NDUFS1: variants seen among roughly 807,000 people sequenced by gnomAD.
The protein encoded by NDUFS1 is NADH:ubiquinone oxidoreductase core subunit S1, also known as NADH-ubiquinone oxidoreductase 75 kDa subunit, mitochondrial.
Under a neutral mutation model 84.4 loss-of-function variants are expected in NDUFS1, and 61 were observed. That is an observed-to-expected ratio of 0.72 (90% CI 0.59 to 0.89). The LOEUF is 0.89. Among genes scored for constraint, NDUFS1 ranks in the 40% least tolerant of loss-of-function variants. The probability of loss-of-function intolerance (pLI) is 0.00; values close to 1 mark genes in which losing one functional copy is unlikely to be tolerated. For missense variants in NDUFS1, 891 were observed against 890.0 expected, an observed-to-expected ratio of 1.00 and a Z score of -0.01; for synonymous variants, 275 against 290.0, an observed-to-expected ratio of 0.95 and a Z score of 0.53.
At chr2:206,147,503 T>C (rs764312524) in intron 7 of NDUFS1, 28 bp downstream of exon 7, 25 of 1,593,960 alleles carry the variant, frequency 1.6e-5, no homozygotes, top group Middle Eastern at 1.7e-4. Context: ...TTATATTCTA[T>C]AATAGAAAAA....
chr2:206,144,956 C>T lies in NDUFS1; in HGVS notation c.808G>A (p.Val270Met). The T allele has an allele frequency of 2.5e-6, 4 of 1,614,102 alleles. No individual in the cohort carries two copies. The highest frequency in any genetic ancestry group is 3.4e-6 in the Non-Finnish European group (4 of 1,179,962). ...TGCATACGTGGCAAAATCCTCATCA[C>T]TTCTCCAGTTCTTGTGCTAACCACA... is the stretch of plus-strand genomic sequence containing the variant. ...NIVVSTRTGE[V>M]MRILPRMHED... Residue 270 changes from valine to methionine, a missense_variant, in exon 9 of 19, where the codon GTG (valine) becomes ATG (methionine). Val to Met is a conservative substitution (Grantham distance 21). Transcript: ENST00000233190.
Position 206,149,087 on chromosome 2 carries a change from C to A in NDUFS1, c.271G>T (p.Ala91Ser), listed in dbSNP as rs761897749. The A allele has an allele frequency of 1.9e-5, 30 of 1,611,268 alleles. No homozygotes were observed. The highest frequency in any genetic ancestry group is 2.4e-5 in the Non-Finnish European group (28 of 1,178,866). Residue 91 changes from alanine to serine, a missense_variant, in exon 5 of 19, where the codon GCT (alanine) becomes TCT (serine). Physicochemically the swap from Ala to Ser is moderately conservative, Grantham distance 99 (BLOSUM62 1). Coordinates refer to ENST00000233190, the MANE Select transcript of NDUFS1 (RefSeq NM_005006.7). ...CCCTTCATTACTGGCATGGCACAAG[C>A]AGCTACAACCTGGGATTTCAATGAA... ...EIEKAPKVVA[A>S]CAMPVMKGWN...
At chr2:206,124,917 G>A (rs1187664592) in intron 18 of NDUFS1, among the ~76,000 whole-genome samples, 1 of 152,050 alleles carries the variant, frequency 6.6e-6, no homozygotes, top group Non-Finnish European at 1.5e-5. Flanking sequence ...AACAGCATAT[G>A]TACTAAAATA....
chr2:206,147,202 T>G, intron 7 of NDUFS1, 114 bp from the exon 8 acceptor site: 1 of 1,085,924 alleles, frequency 9.2e-7, no homozygotes, highest in Non-Finnish European at 1.4e-6. Context: ...GAGTATATTT[T>G]TAAAGGTGAG....
In NDUFS1 at chr2:206,146,883, TGTCATAAAATAAAAG is replaced by T; in HGVS notation, c.737+5_737+19del. 6.2e-7 allele frequency: 1 copy of T among 1,608,314 alleles called. No individual in the cohort carries two copies. Among genetic ancestry groups the T allele is most frequent in the Non-Finnish European group, 8.5e-7 (1 of 1,175,172 alleles). ...ATGAATTAAGGACAAAAAAACAAAT[TGTCATAAAATAAAAG>T]ATACCTTGTTTCCCAAGGCCGGGCA... On this transcript the variant is annotated splice_donor_5th_base_variant and intron_variant, in intron 8 of 18. Transcript: ENST00000233190.
In NDUFS1 at chr2:206,126,791, C is replaced by G. The variant is rs750157771; in HGVS notation, c.1938G>C (p.Leu646Phe). 1.2e-6 allele frequency: 2 copies of G among 1,614,098 alleles called. No individual in the cohort carries two copies. Among genetic ancestry groups the G allele is most frequent in the Admixed American group, 3.3e-5 (2 of 60,014 alleles). ...GAACAAGATTAGGAGAGACTTCTTC[C>G]AATCTGTTCCTTACTTGATCCAGAG... ...YDTLDQVRNR[L>F]EEVSPNLVRY... The change falls in exon 17 of 19, where the codon TTG (leucine) becomes TTC (phenylalanine). Residue 646 changes from leucine (L) to phenylalanine (F), a missense_variant. Coordinates refer to ENST00000233190, the MANE Select transcript of NDUFS1 (RefSeq NM_005006.7).
intron 13 of NDUFS1, among the ~76,000 whole-genome samples, chr2:206,137,781 CAAAAAT>C (rs1482034727): frequency 6.6e-6 from 1 of 151,938 alleles, no homozygotes; most frequent in African/African-American, 2.4e-5. Context: ...ACCTCAGAAA[CAAAAAT>C]AGAAGGACTG....
intron 5 of NDUFS1, 31 bp downstream of exon 5, chr2:206,148,989 A>G: frequency 6.7e-7 from 1 of 1,494,436 alleles, no homozygotes. Context: ...TGCTTTATGA[A>G]AGGGTACTAC....
intron 1 of NDUFS1, among the ~76,000 whole-genome samples, chr2:206,156,848 T>C (rs1272808642): frequency 6.6e-6 from 1 of 152,204 alleles, no homozygotes; most frequent in Admixed American, 6.5e-5. Flanking sequence ...GTTCTTTACT[T>C]ATAGAGCAGG....
chr2:206,149,233 T>C (rs563261423), intron 4 of NDUFS1, 137 bp from the exon 5 acceptor site: 6 of 697,654 alleles, frequency 8.6e-6, no homozygotes, highest in Non-Finnish European at 1.4e-5. Flanking sequence ...GGGTATTTTT[T>C]AAAACTGAAT....
intron 10 of NDUFS1, 31 bp downstream of exon 10, chr2:206,143,987 A>G (rs775836946): frequency 6.6e-7 from 1 of 1,511,170 alleles, no homozygotes; most frequent in East Asian, 2.3e-5. Flanking sequence ...AATCACAAAC[A>G]CTATTTAACA....
chr2:206,159,279 C>G, intron 1 of NDUFS1, 62 bp downstream of exon 1: 1 of 774,160 alleles, frequency 1.3e-6, no homozygotes, highest in Non-Finnish European at 2.2e-6. Flanking sequence ...AGGAAACAGT[C>G]CCGTCAATAA....
chr2:206,150,742 G>A (rs994340445), intron 3 of NDUFS1, among the ~76,000 whole-genome samples: 6 of 152,100 alleles, frequency 3.9e-5, no homozygotes, highest in African/African-American at 1.4e-4. Context: ...AGATTTACAG[G>A]TATTTGCATG....
chr2:206,128,905 A>T (rs1333720369), intron 15 of NDUFS1, among the ~76,000 whole-genome samples: 1 of 152,206 alleles, frequency 6.6e-6, no homozygotes, highest in African/African-American at 2.4e-5. Flanking sequence ...ATGCTTACAA[A>T]GTAGAACTGC....
rs1490925037 is a variant in NDUFS1, at chr2:206,144,076, T to C, written c.929A>G (p.Glu310Gly). ...QRLTEPMVRN[E>G]KGLLTYTSWE... Reference sequence around the variant, plus strand: ...AGAAGTATAGGTTAAAAGCCCTTTTTCATTTCTGACCATTGGCTCGGTAAG... The same window carrying C: ...AGAAGTATAGGTTAAAAGCCCTTTTCCATTTCTGACCATTGGCTCGGTAAG... Residue 310 changes from glutamate to glycine, a missense_variant, in exon 10 of 19, where the codon GAA (glutamate) becomes GGA (glycine). Transcript: ENST00000233190. 4 of 1,614,140 alleles carry C rather than the reference T, an allele frequency of 2.5e-6. No individual in the cohort carries two copies. The highest frequency in any genetic ancestry group is 3.4e-6 in the Non-Finnish European group (4 of 1,179,994).
chr2:206,152,500 A>C lies in NDUFS1; in HGVS notation c.72T>G (p.Thr24=). 6.2e-7 allele frequency: 1 copy of C among 1,614,092 alleles called. No individual in the cohort carries two copies. The highest frequency in any genetic ancestry group is 1.7e-5 in the Admixed American group (1 of 60,026). ...CAATCAAGTTGCTTGCTGCTGTGGC[A>C]GTTGTTCGAACTGACCATCAAAGAT... ...SKSPKGCVRT[T]ATAASNLIEV... Residue 24 remains threonine (T), a synonymous_variant, in exon 3 of 19, where the codon ACT becomes ACG. Transcript: ENST00000233190.
At chr2:206,142,205 A>C (rs1478304793) in intron 11 of NDUFS1, 136 bp from the exon 12 acceptor site, 2 of 762,068 alleles carry the variant, frequency 2.6e-6, no homozygotes, top group Non-Finnish European at 4.4e-6. Flanking sequence ...AATTAAATGA[A>C]CATTTCAGAT....
rs1345775997 is a variant in NDUFS1, at chr2:206,123,153, A to G, written c.*1032T>C. On this transcript the variant is annotated 3_prime_UTR_variant, in exon 19 of 19. Transcript: ENST00000233190. ...TATTCTGATTCCTTTTGGTTTTGAC[A>G]ATTAAAAATTATGAAAGCTGGTTGT... 1 of 151,994 alleles carries G rather than the reference A, an allele frequency of 6.6e-6. No homozygotes were observed. Among genetic ancestry groups the G allele is most frequent in the Non-Finnish European group, 1.5e-5 (1 of 67,986 alleles). 9.4% of individuals were successfully genotyped at this position (151,994 alleles called of 1,614,324 possible).
Position 206,128,194 on chromosome 2 carries a change from C to G in NDUFS1, c.1709-222G>C, listed in dbSNP as rs142297412. Among the ~76,000 whole-genome samples, 63 of 152,148 alleles carry G rather than the reference C, an allele frequency of 4.1e-4. 1 individual carries two copies. The East Asian group carries it at 5.5e-3, about 13-fold the overall frequency. On this transcript the variant is annotated intron_variant, in intron 15 of 18. Transcript: ENST00000233190. Reference sequence around the variant, plus strand: ...TATTATTATTTTTTTGAGATGGAGTCTCGCTCTGTCGCCCAGGCTGGAGTG... The same window carrying G: ...TATTATTATTTTTTTGAGATGGAGTGTCGCTCTGTCGCCCAGGCTGGAGTG...
Sources: allele counts gnomAD v4.1 joint callset (sites outside exome capture counted in the v4.1 genomes callset), GRCh38; gene constraint gnomAD v4.1.1; transcripts MANE v1.5; gene names NCBI Gene and HGNC (gene_info 2026-07-23, HGNC 2026-07-21).